Variants in AKR1C3 observed in about 807,000 individuals in gnomAD.
The protein encoded by AKR1C3 is 3-alpha hydroxysteroid dehydrogenase, type II.
In AKR1C3, 48 loss-of-function variants were observed where a neutral mutation model predicts 43.6. The ratio of observed to expected loss-of-function variants is 1.10; its 90% CI spans 0.87 to 1.40. The LOEUF (loss-of-function observed/expected upper bound fraction) is 1.40, where lower values mean the gene tolerates loss of function less well. AKR1C3 is among the 40% of genes most tolerant of loss of function. The pLI, the probability that AKR1C3 is intolerant of heterozygous loss-of-function variation, is 0.00. For missense variants in AKR1C3, 482 were observed against 391.2 expected (o/e 1.23, Z -1.96); for synonymous variants, 162 against 139.6 (o/e 1.16, Z -1.13).
intron 7 of AKR1C3, 62 bp from the exon 8 acceptor site, chr10:5,105,533 A>G (rs1009953350): frequency 1.6e-6 from 2 of 1,254,662 alleles, no homozygotes; most frequent in African/African-American, 3.0e-5. Context: ...CCTACTGTCT[A>G]ATATACTTGG....
At chr10:5,051,706 C>G (rs1838157659) in intron 1 of AKR1C3, among the ~76,000 whole-genome samples, 1 of 152,086 alleles carries the variant, frequency 6.6e-6, no homozygotes, top group Admixed American at 6.6e-5. Flanking sequence ...TACCAGAGGC[C>G]CTGTGTGTAG....
chr10:5,078,657 T>C (rs1487045895), intron 1 of AKR1C3, among the ~76,000 whole-genome samples: 6 of 152,190 alleles, frequency 3.9e-5, no homozygotes, highest in African/African-American at 9.7e-5. Context: ...GATTTTTAAA[T>C]AGAATAGGGA....
chr10:5,075,500 A>C (rs535371696), intron 1 of AKR1C3, among the ~76,000 whole-genome samples: 3 of 152,212 alleles, frequency 2.0e-5, no homozygotes, highest in South Asian at 4.1e-4. Flanking sequence ...CTGTCGGACC[A>C]TAAAGGATTG....
At chr10:5,054,971 C>G (rs1250564885) in intron 1 of AKR1C3, among the ~76,000 whole-genome samples, 1 of 152,230 alleles carries the variant, frequency 6.6e-6, no homozygotes, top group African/African-American at 2.4e-5. Flanking sequence ...TGGGGGTTCC[C>G]CCAGAGGTTA....
At chr10:5,105,469 CTGACT>C in intron 7 of AKR1C3, 121 bp from the exon 8 acceptor site, 2 of 657,168 alleles carry the variant, frequency 3.0e-6, no homozygotes, top group Non-Finnish European at 5.2e-6. Flanking sequence ...GTGTTTAGAG[CTGACT>C]TCTATAACTG....
At chr10:5,055,008 G>A (rs542518425) in intron 1 of AKR1C3, among the ~76,000 whole-genome samples, 2 of 152,384 alleles carry the variant, frequency 1.3e-5, no homozygotes, top group East Asian at 3.9e-4. Context: ...CCACATTGCA[G>A]CATGGGCACG....
chr10:5,102,129 G>A lies in AKR1C3; in HGVS notation c.599G>A (p.Ser200Asn). Residue 200 changes from serine to asparagine, a missense_variant, in exon 6 of 9, where the codon AGT becomes AAT. Coordinates refer to ENST00000380554, the MANE Select transcript of AKR1C3 (RefSeq NM_003739.6). ...GAATGTCATCCGTATTTCAACCGGA[G>A]TAAATTGCTAGATTTCTGCAAGTCG... is the stretch of plus-strand genomic sequence containing the variant. ...QVECHPYFNR[S>N]KLLDFCKSKD... The A allele has an allele frequency of 6.2e-7, 1 of 1,613,896 alleles. No homozygotes were observed. The highest frequency in any genetic ancestry group is 1.7e-5 in the Admixed American group (1 of 60,012).
chr10:5,058,993 G>A (rs1838322281), intron 1 of AKR1C3, among the ~76,000 whole-genome samples: 2 of 152,202 alleles, frequency 1.3e-5, no homozygotes, highest in African/African-American at 4.8e-5. Flanking sequence ...CCTGACGGAG[G>A]TAAGGGATCT....
chr10:5,078,613 G>T (rs975908103), intron 1 of AKR1C3, among the ~76,000 whole-genome samples: 3 of 152,176 alleles, frequency 2.0e-5, no homozygotes, highest in Non-Finnish European at 2.9e-5. Context: ...TTCGTGAGTT[G>T]ATTTTCTCTC....
chr10:5,092,015 A>C (rs1554784264), upstream of AKR1C3, among the ~76,000 whole-genome samples: 1 of 151,986 alleles, frequency 6.6e-6, no homozygotes, highest in Non-Finnish European at 1.5e-5. Flanking sequence ...CTTTTATCTC[A>C]CATTGTATTA....
chr10:5,083,419 A>G (rs562318209), intron 1 of AKR1C3, among the ~76,000 whole-genome samples: 1 of 152,274 alleles, frequency 6.6e-6, no homozygotes, highest in East Asian at 1.9e-4. Flanking sequence ...ATCATTTTTT[A>G]TGGCTGCATA....
intron 1 of AKR1C3, among the ~76,000 whole-genome samples, chr10:5,087,032 GTC>G (rs1838981917): frequency 1.3e-5 from 2 of 152,126 alleles, no homozygotes; most frequent in Admixed American, 1.3e-4. Context: ...CAATTTGCCA[GTC>G]TGTCTTTTAA....
chr10:5,102,417 T>C, intron 6 of AKR1C3, 68 bp from the exon 7 acceptor site: 1 of 1,315,136 alleles, frequency 7.6e-7, no homozygotes, highest in South Asian at 1.4e-5. Flanking sequence ...TGCCTTAGTC[T>C]GTTTAGGGAG....
chr10:5,053,205 C>T (rs1264151136), intron 1 of AKR1C3, among the ~76,000 whole-genome samples: 5 of 152,200 alleles, frequency 3.3e-5, no homozygotes, highest in South Asian at 2.1e-4. Context: ...GGGCAGCGCT[C>T]GTCAGGGAGG....
At chr10:5,072,448 A>G (rs1361363840) in intron 1 of AKR1C3, among the ~76,000 whole-genome samples, 1 of 152,222 alleles carries the variant, frequency 6.6e-6, no homozygotes, top group Admixed American at 6.5e-5. Flanking sequence ...TATTTTCTTA[A>G]GAAAAAAATT....
intron 4 of AKR1C3, 112 bp from the exon 5 acceptor site, chr10:5,099,213 TAG>T: frequency 6.5e-7 from 1 of 1,536,276 alleles, no homozygotes; most frequent in Non-Finnish European, 8.8e-7. Flanking sequence ...CAATCACTGC[TAG>T]CTATTTTCAT....
chr10:5,106,878 TATC>T (rs1219700297), intron 8 of AKR1C3, among the ~76,000 whole-genome samples: 3 of 150,640 alleles, frequency 2.0e-5, no homozygotes, highest in Admixed American at 6.7e-5. Flanking sequence ...AATTGGTAGA[TATC>T]ATTGTTAATA....
intron 8 of AKR1C3, among the ~76,000 whole-genome samples, chr10:5,106,726 C>T (rs1308717370): frequency 1.3e-5 from 2 of 148,414 alleles, no homozygotes; most frequent in Admixed American, 1.4e-4. Context: ...TGCACTCCAG[C>T]CTGAATGACA....
chr10:5,104,238 T>A (rs1480251954), intron 7 of AKR1C3, among the ~76,000 whole-genome samples: 2 of 152,182 alleles, frequency 1.3e-5, no homozygotes, highest in African/African-American at 4.8e-5. Flanking sequence ...TTCTCTTTAC[T>A]TATAAATTAG....
Sources: gnomAD v4.1 joint callset for allele counts (sites outside exome capture counted in the v4.1 genomes callset) on GRCh38, gnomAD v4.1.1 for gene constraint, MANE v1.5 for transcripts, NCBI Gene and HGNC (gene_info 2026-07-23, HGNC 2026-07-21) for gene names.